MAGI1: variants seen among roughly 807,000 people sequenced by gnomAD.
MAGI1 encodes membrane-associated guanylate kinase, WW and PDZ domain-containing protein 1.
MAGI1 carries 58 observed loss-of-function variants against 139.9 expected under a neutral mutation model. The ratio of observed to expected loss-of-function variants is 0.41; its 90% confidence interval spans 0.34 to 0.52. The LOEUF (loss-of-function observed/expected upper bound fraction) is 0.52. Ranked by LOEUF, MAGI1 falls within the 20% of genes least tolerant of loss-of-function variation. The probability of loss-of-function intolerance (pLI) is 0.12; values close to 1 mark genes in which losing one functional copy is unlikely to be tolerated. For synonymous variants in MAGI1, 812 were observed against 737.9 expected (o/e 1.10, Z -1.63); for missense variants, 1,874 against 1,901.6 (o/e 0.99, Z 0.27).
intron 10 of MAGI1, among the ~76,000 whole-genome samples, chr3:65,433,002 C>T (rs1233581590): frequency 6.6e-6 from 1 of 152,144 alleles, no homozygotes; most frequent in African/African-American, 2.4e-5. Flanking sequence ...GAATATACAT[C>T]TTACTTATTG....
At chr3:65,537,594 C>T (rs1213070679) in intron 2 of MAGI1, among the ~76,000 whole-genome samples, 1 of 152,198 alleles carries the variant, frequency 6.6e-6, no homozygotes, top group East Asian at 1.9e-4. Flanking sequence ...AGACTCTGAA[C>T]AAGAGTCTTC....
At chr3:65,717,827 C>T (rs1387132159) in intron 1 of MAGI1, among the ~76,000 whole-genome samples, 1 of 152,162 alleles carries the variant, frequency 6.6e-6, no homozygotes, top group African/African-American at 2.4e-5. Context: ...GAGCACTACC[C>T]TAAGTGCCCA....
At chr3:65,672,667 A>G (rs1255932846) in intron 1 of MAGI1, among the ~76,000 whole-genome samples, 1 of 152,194 alleles carries the variant, frequency 6.6e-6, no homozygotes, top group Non-Finnish European at 1.5e-5. Flanking sequence ...TGAAACCACA[A>G]TAGAATTCTG....
chr3:65,376,168 A>T (rs958815377), intron 17 of MAGI1, among the ~76,000 whole-genome samples: 1 of 152,210 alleles, frequency 6.6e-6, no homozygotes, highest in East Asian at 1.9e-4. Flanking sequence ...CATTGCTGCC[A>T]TCCTTTCCAG....
chr3:65,698,413 A>G (rs1368031392), intron 1 of MAGI1, among the ~76,000 whole-genome samples: 4 of 148,934 alleles, frequency 2.7e-5, no homozygotes, highest in Admixed American at 6.7e-5. Flanking sequence ...AGCCCGCATC[A>G]CCAAGGCAAT....
At chr3:65,730,616 C>A (rs964292959) in intron 1 of MAGI1, among the ~76,000 whole-genome samples, 1 of 152,126 alleles carries the variant, frequency 6.6e-6, no homozygotes, top group Non-Finnish European at 1.5e-5. Context: ...CTGGGACAGG[C>A]CTGCTTTGCC....
At chr3:65,676,374 A>C (rs1420887886) in intron 1 of MAGI1, among the ~76,000 whole-genome samples, 3 of 152,238 alleles carry the variant, frequency 2.0e-5, no homozygotes, top group Non-Finnish European at 4.4e-5. Flanking sequence ...GCAAATAATC[A>C]TGACTGCAAT....
At chr3:65,360,179 A>G in intron 22 of MAGI1, 2 of 985,350 alleles carry the variant, frequency 2.0e-6, no homozygotes, top group South Asian at 9.4e-5. Flanking sequence ...CATCAAGTCC[A>G]AAATGCAACT....
At chr3:65,729,838 G>A (rs1376978626) in intron 1 of MAGI1, among the ~76,000 whole-genome samples, 1 of 152,120 alleles carries the variant, frequency 6.6e-6, no homozygotes, top group Non-Finnish European at 1.5e-5. Flanking sequence ...AAAACAAGCC[G>A]TTAGCAACAA....
At chr3:65,522,879 G>GCAGT (rs1243839402) in intron 2 of MAGI1, among the ~76,000 whole-genome samples, 3 of 152,194 alleles carry the variant, frequency 2.0e-5, no homozygotes, top group Non-Finnish European at 4.4e-5. Flanking sequence ...AATTCCTGCT[G>GCAGT]CAGTAGGGGT....
chr3:65,942,739 C>T (rs1327250302), intron 1 of MAGI1, among the ~76,000 whole-genome samples: 2 of 152,106 alleles, frequency 1.3e-5, no homozygotes, highest in Admixed American at 6.5e-5. Context: ...AAAATGCGAC[C>T]AGGTGCGGTG....
intron 12 of MAGI1, among the ~76,000 whole-genome samples, chr3:65,419,363 A>C (rs1358496776): frequency 6.6e-6 from 1 of 152,150 alleles, no homozygotes; most frequent in East Asian, 1.9e-4. Context: ...AAAAGGACTT[A>C]TCTTCAGTGA....
chr3:65,933,523 G>A (rs1018004494), intron 1 of MAGI1, among the ~76,000 whole-genome samples: 12 of 152,188 alleles, frequency 7.9e-5, no homozygotes, highest in Admixed American at 2.0e-4. Context: ...ATTCTGTTAC[G>A]ACCTAGCCTT....
chr3:65,714,419 C>A (rs1198004420), intron 1 of MAGI1, among the ~76,000 whole-genome samples: 11 of 152,088 alleles, frequency 7.2e-5, no homozygotes, highest in Admixed American at 2.6e-4. Flanking sequence ...CTCAGGGTTT[C>A]TCAGTGGCAA....
At chr3:65,975,007 T>C (rs1199158580) in intron 1 of MAGI1, among the ~76,000 whole-genome samples, 1 of 151,736 alleles carries the variant, frequency 6.6e-6, no homozygotes, top group Non-Finnish European at 1.5e-5. Context: ...CATAGTACCA[T>C]AGGCAGGGTT....
intron 1 of MAGI1, among the ~76,000 whole-genome samples, chr3:66,004,117 G>A (rs748730349): frequency 3.9e-5 from 6 of 152,088 alleles, no homozygotes; most frequent in Non-Finnish European, 7.3e-5. Context: ...AATCCTGCTC[G>A]GATTTTATTA....
intron 2 of MAGI1, among the ~76,000 whole-genome samples, chr3:65,552,972 G>A (rs1399052857): frequency 6.6e-6 from 1 of 152,134 alleles, no homozygotes; most frequent in Non-Finnish European, 1.5e-5. Context: ...GCAACTTGAG[G>A]TTTTTGCTGA....
At chr3:65,526,838 G>A (rs76739689) in intron 2 of MAGI1, among the ~76,000 whole-genome samples, 197 of 152,122 alleles carry the variant, frequency 1.3e-3, no homozygotes, top group Non-Finnish European at 2.4e-3. Context: ...AAAATTAAAC[G>A]GTCATCCAAC....
chr3:65,861,333 C>A lies in MAGI1; in HGVS notation c.313+176663G>T, dbSNP rs556792248. On this transcript the variant is annotated intron_variant, in intron 1 of 22. Coordinates refer to ENST00000402939, the MANE Select transcript of MAGI1 (RefSeq NM_001033057.2). ...TGAGTACTCTCTGGTCCAGTCACCA[C>A]CCCACCCAAAGTTTCTGACCCTCTC... is the stretch of plus-strand genomic sequence containing the variant. Among the ~76,000 whole-genome samples, 4 of 152,274 alleles carry A rather than the reference C, an allele frequency of 2.6e-5. No homozygotes were observed. In the South Asian group the frequency reaches 8.3e-4, roughly 32 times the overall value.
Sources: gnomAD v4.1 joint callset for allele counts (sites outside exome capture counted in the v4.1 genomes callset) on GRCh38, gnomAD v4.1.1 for gene constraint, MANE v1.5 for transcripts, NCBI Gene and HGNC (gene_info 2026-07-23, HGNC 2026-07-21) for gene names.